OLFML2B: variants seen among roughly 807,000 people sequenced by gnomAD.
OLFML2B encodes olfactomedin-like protein 2B.
OLFML2B carries 57 observed loss-of-function variants against 74.9 expected under a neutral mutation model. The ratio of observed to expected loss-of-function variants is 0.76; its 90% CI spans 0.61 to 0.95. The LOEUF (loss-of-function observed/expected upper bound fraction) is 0.95, where lower values mean the gene tolerates loss of function less well. Among genes scored for constraint, OLFML2B ranks in the 40% least tolerant of loss-of-function variants. The pLI is 0.00. For synonymous variants in OLFML2B, 388 were observed against 405.8 expected (o/e 0.96, Z 0.53); for missense variants, 986 against 970.6 (o/e 1.02, Z -0.21).
chr1:162,006,083 C>A lies in OLFML2B; in HGVS notation c.723+214G>T, dbSNP rs534009526. On this transcript the variant is annotated intron_variant, in intron 4 of 7. Coordinates refer to ENST00000294794, the MANE Select transcript of OLFML2B (RefSeq NM_015441.3). ...ACTCAGACTCAGATTTCAGTCCTGG[C>A]TTCAACACTCACTGATCCTCTCTGG... Among the ~76,000 whole-genome samples the A allele has an allele frequency of 4.6e-5, 7 of 152,242 alleles. No homozygotes were observed. In the East Asian group the frequency reaches 1.3e-3, roughly 29 times the overall value.
chr1:161,991,500 C>T (rs567020547), intron 6 of OLFML2B, among the ~76,000 whole-genome samples: 53 of 152,230 alleles, frequency 3.5e-4, no homozygotes, highest in African/African-American at 1.1e-3. Context: ...TTTGGGAGGC[C>T]GAGGCAGGCG....
chr1:161,984,172 T>C lies in OLFML2B; in HGVS notation c.1756A>G (p.Ile586Val), dbSNP rs1191326150. Reference protein sequence around the residue: ...YYNRAFTRNIIKYDLKQRYVA... With the variant: ...YYNRAFTRNIVKYDLKQRYVA... ...TAGCGCTGCTTCAGGTCGTACTTGATGATGTTGCGGGTGAAGGCGCGATTG... is the reference window on the plus strand; with the variant it reads ...TAGCGCTGCTTCAGGTCGTACTTGACGATGTTGCGGGTGAAGGCGCGATTG... Residue 586 changes from isoleucine (I) to valine (V), a missense_variant, in exon 8 of 8, where the codon ATC becomes GTC. By Grantham distance (29) the Ile-to-Val change is conservative. Coordinates refer to ENST00000294794, the MANE Select transcript of OLFML2B (RefSeq NM_015441.3). 1 of 1,606,652 alleles carries C rather than the reference T, an allele frequency of 6.2e-7. No homozygotes were observed. Among genetic ancestry groups the C allele is most frequent in the Non-Finnish European group, 8.5e-7 (1 of 1,176,180 alleles).
chr1:162,016,286 C>G (rs1373552467), intron 3 of OLFML2B, among the ~76,000 whole-genome samples: 2 of 152,196 alleles, frequency 1.3e-5, no homozygotes, highest in Non-Finnish European at 2.9e-5. Flanking sequence ...GGGTACTATT[C>G]TCACTGTCCA....
At chr1:162,013,443 A>G (rs961453689) in intron 3 of OLFML2B, among the ~76,000 whole-genome samples, 5 of 152,222 alleles carry the variant, frequency 3.3e-5, no homozygotes, top group African/African-American at 1.2e-4. Context: ...CTACTAAGTT[A>G]TAGCCTCCAA....
rs201214974 is a variant in OLFML2B at position 161,984,788 on chromosome 1, G to A, written c.1651+16C>T. The A allele has an allele frequency of 1.9e-6, 3 of 1,611,816 alleles. No individual in the cohort carries two copies. Among genetic ancestry groups the A allele is most frequent in the African/African-American group, 1.3e-5 (1 of 74,812 alleles). On this transcript the variant is annotated intron_variant, in intron 7 of 7. Coordinates refer to ENST00000294794, the MANE Select transcript of OLFML2B (RefSeq NM_015441.3). ...GGAAGGGAAGGAGCAGTCTGGGTTG[G>A]ATCTTTATCATGTACCTTGTTTGAA...
At chr1:162,004,060 G>A (rs1298579840) in intron 4 of OLFML2B, among the ~76,000 whole-genome samples, 1 of 152,210 alleles carries the variant, frequency 6.6e-6, no homozygotes, top group Non-Finnish European at 1.5e-5. Context: ...TCTGAGCTGG[G>A]TTCCCGAACA....
In OLFML2B at chr1:161,983,572, T is replaced by C. The variant is rs980805837; in HGVS notation, c.*103A>G. ...TTGCAATATTATACAAAATAATATA[T>C]ATTTTTAAACAACACATACCCACCT... On this transcript the variant is annotated 3_prime_UTR_variant, in exon 8 of 8. Transcript: ENST00000294794. 1.2e-5 allele frequency: 15 copies of C among 1,255,742 alleles called. No homozygotes were observed. The highest frequency in any genetic ancestry group is 1.5e-5 in the Non-Finnish European group (14 of 911,348). 77.8% of individuals were successfully genotyped at this position (1,255,742 alleles called of 1,614,324 possible). A position where few individuals can be genotyped will look rare whatever the true frequency, so the allele number is the denominator to read the frequency against.
intron 6 of OLFML2B, among the ~76,000 whole-genome samples, chr1:161,989,122 T>C (rs12409628): frequency 0.023 from 3,574 of 152,308 alleles, 209 homozygotes; most frequent in East Asian, 0.2. Context: ...CTCTGGCTCA[T>C]CTCTGCCCAC....
In OLFML2B at chr1:162,020,060, C is replaced by G. The variant is rs1690654553; in HGVS notation, c.297G>C (p.Lys99Asn). 6.2e-7 allele frequency: 1 copy of G among 1,614,040 alleles called. No homozygotes were observed. The highest frequency in any genetic ancestry group is 8.5e-7 in the Non-Finnish European group (1 of 1,180,032). Residue 99 changes from lysine to asparagine, a missense_variant, in exon 2 of 8, where the codon AAG becomes AAC. Transcript: ENST00000294794. ...TGGTTTCCACGGTATAGAAGTCTTC[C>G]TTCCTGGAGGCCCCCGCATTGATCC... ...CQRINAGASRKEDFYTVETIT... is the reference protein window; with the variant it reads ...CQRINAGASRNEDFYTVETIT...
At chr1:162,000,409 G>GCTT (rs1690052505) in intron 4 of OLFML2B, 71 bp from the exon 5 acceptor site, 2 of 1,302,194 alleles carry the variant, frequency 1.5e-6, no homozygotes, top group East Asian at 2.4e-5. Flanking sequence ...GTGGGGGCAA[G>GCTT]GCTGGAGCCA....
Position 162,006,482 on chromosome 1 carries a change from G to C in OLFML2B, c.547-9C>G. On this transcript the variant is annotated splice_polypyrimidine_tract_variant and intron_variant, in intron 3 of 7. Transcript: ENST00000294794. ...AGGTTTTTAGACACTTCCTGAGAAG[G>C]AAAAAAAAAAGATGATCCATTAAAG... The C allele has an allele frequency of 8.8e-7, 1 of 1,138,760 alleles. No individual in the cohort carries two copies. Among genetic ancestry groups the C allele is most frequent in the African/African-American group, 1.5e-5 (1 of 65,194 alleles). The allele number at this position is 1,138,760 out of a possible 1,614,324, so 70.5% of individuals were successfully genotyped here. A position where few individuals can be genotyped will look rare whatever the true frequency, so the allele number is the denominator to read the frequency against.
At chr1:161,999,082 C>A (rs1292702613) in intron 5 of OLFML2B, among the ~76,000 whole-genome samples, 1 of 152,130 alleles carries the variant, frequency 6.6e-6, no homozygotes, top group Admixed American at 6.5e-5. Context: ...GCTGGGCATG[C>A]ATGACTTAGA....
rs776498080 is a variant in OLFML2B at position 162,020,133 on chromosome 1, C to T, written c.224G>A (p.Cys75Tyr). 1.9e-6 allele frequency: 3 copies of T among 1,614,098 alleles called. No individual in the cohort carries two copies. The highest frequency in any genetic ancestry group is 1.3e-5 in the African/African-American group (1 of 74,934). The change falls in exon 2 of 8, where the codon TGT becomes TAT. Residue 75 changes from cysteine (C) to tyrosine (Y), a missense_variant. Cys to Tyr is a radical substitution (Grantham distance 194). Coordinates refer to ENST00000294794, the MANE Select transcript of OLFML2B (RefSeq NM_015441.3). ...KVKAMSEGSD[C>Y]QCKCVVRPLG... ...GGGTCTCACCACACACTTGCACTGA[C>T]AGTCCGAGCCCTCAGACATAGCCTT...
At chr1:161,999,654 T>C (rs1203846888) in intron 5 of OLFML2B, among the ~76,000 whole-genome samples, 2 of 152,012 alleles carry the variant, frequency 1.3e-5, no homozygotes, top group African/African-American at 4.8e-5. Flanking sequence ...GTAAACGTGA[T>C]GTGAAAAGGG....
intron 2 of OLFML2B, among the ~76,000 whole-genome samples, chr1:162,018,019 A>C (rs1206117899): frequency 6.6e-6 from 1 of 152,234 alleles, no homozygotes; most frequent in Admixed American, 6.5e-5. Context: ...TCCTTAGCAA[A>C]CTAACACAGG....
At chr1:162,022,171 A>T (rs1188104182) in intron 1 of OLFML2B, among the ~76,000 whole-genome samples, 1 of 151,696 alleles carries the variant, frequency 6.6e-6, no homozygotes, top group African/African-American at 2.4e-5. Flanking sequence ...CACTCCAGAG[A>T]GAACTACCCC....
intron 3 of OLFML2B, 44 bp from the exon 4 acceptor site, chr1:162,006,517 G>A: frequency 6.8e-7 from 1 of 1,468,592 alleles, no homozygotes; most frequent in East Asian, 2.3e-5. Flanking sequence ...GCACCCTGAA[G>A]ACAAGCAGGA....
chr1:161,998,195 G>A lies in OLFML2B; in HGVS notation c.1104C>T (p.Thr368=), dbSNP rs747898670. 5.0e-5 allele frequency: 80 copies of A among 1,613,906 alleles called. No individual in the cohort carries two copies. Among genetic ancestry groups the A allele is most frequent in the African/African-American group, 9.3e-5 (7 of 74,916 alleles). ...GTGGCAGTGCTGAGGACCAGGGTGC[G>A]GTCCGAGCGTTCAGGTCGCTTGTCA... ...TAVTSDLNAR[T]APWSSALPQP... Residue 368 remains threonine, a synonymous_variant, in exon 6 of 8, where the codon ACC becomes ACT. Coordinates refer to ENST00000294794, the MANE Select transcript of OLFML2B (RefSeq NM_015441.3).
At position 162,013,891 on chromosome 1, in the gene OLFML2B, A is replaced by AAC. The variant is rs59665350; in HGVS notation, c.546+3507_546+3508dup. On this transcript the variant is annotated intron_variant, in intron 3 of 7. Transcript: ENST00000294794. ...ATATAAAGTTGAGTGAAAAAAGCCC[A>AAC]ACACACACACACACACACACACACA... Among the ~76,000 whole-genome samples the AAC allele has an allele frequency of 5.0e-3, 723 of 143,226 alleles. 3 individuals are homozygous for AAC. Among genetic ancestry groups the AAC allele is most frequent in the African/African-American group, 7.2e-3 (279 of 38,676 alleles). 94.0% of individuals were successfully genotyped at this position (143,226 alleles called of 152,430 possible). A position where few individuals can be genotyped will look rare whatever the true frequency, so the allele number is the denominator to read the frequency against.
Sources: gnomAD v4.1 joint callset for allele counts (sites outside exome capture counted in the v4.1 genomes callset) on GRCh38, gnomAD v4.1.1 for gene constraint, MANE v1.5 for transcripts, NCBI Gene and HGNC (gene_info 2026-07-23, HGNC 2026-07-21) for gene names.